KLHL38: variants seen among roughly 807,000 people sequenced by gnomAD.
KLHL38 encodes the protein kelch-like protein 38.
KLHL38 carries 38 observed loss-of-function variants against 39.6 expected under a neutral mutation model. That is an observed-to-expected ratio of 0.96 (90% CI 0.74 to 1.26). KLHL38 has a LOEUF of 1.26. Among genes scored for constraint, KLHL38 ranks in the 50% most tolerant of loss-of-function variants. KLHL38 has a pLI of 0.00. For missense variants in KLHL38, 803 were observed against 748.1 expected (o/e 1.07, Z -0.86); for synonymous variants, 322 against 302.2 (o/e 1.07, Z -0.68).
Position 123,646,968 on chromosome 8 carries a change from A to G in KLHL38, c.1397T>C (p.Met466Thr). ...TGCAGGGGCACACACGTTCTTGATCATTCTTGTCTCCATTTTGAACCACGA... is the reference window on the plus strand; with the variant it reads ...TGCAGGGGCACACACGTTCTTGATCGTTCTTGTCTCCATTTTGAACCACGA... ...RNSWFKMETR[M>T]IKNVCAPAVV... is the part of the protein sequence containing the mutation. Residue 466 changes from methionine to threonine, a missense_variant, in exon 3 of 4, where the codon ATG becomes ACG. Transcript: ENST00000684634. 1 of 1,613,878 alleles carries G rather than the reference A, an allele frequency of 6.2e-7. No individual in the cohort carries two copies. The highest frequency in any genetic ancestry group is 8.5e-7 in the Non-Finnish European group (1 of 1,179,888).
Position 123,652,076 on chromosome 8 carries a change from T to C in KLHL38, c.851A>G (p.Asp284Gly). 1 of 1,614,174 alleles carries C rather than the reference T, an allele frequency of 6.2e-7. No homozygotes were observed. Among genetic ancestry groups the C allele is most frequent in the Non-Finnish European group, 8.5e-7 (1 of 1,180,032 alleles). The change falls in exon 2 of 4, where the codon GAT (aspartate) becomes GGT (glycine). Residue 284 changes from aspartate to glycine, a missense_variant. Transcript: ENST00000684634. ...CCTTCCGCCCAAGAGGATGAGGAAATCTTGGTAAGAGTTTCTTGGAGGGAC... is the reference window on the plus strand; with the variant it reads ...CCTTCCGCCCAAGAGGATGAGGAAACCTTGGTAAGAGTTTCTTGGAGGGAC... ...LHVPPRNSYQ[D>G]FLILLGGRKD...
At chr8:123,653,469 C>A (rs2129758907) in intron 1 of KLHL38, among the ~76,000 whole-genome samples, 117 bp downstream of exon 1, 1 of 152,290 alleles carries the variant, frequency 6.6e-6, no homozygotes, top group Non-Finnish European at 1.5e-5. Flanking sequence ...AATATGACTT[C>A]ATTGAGTCTT....
chr8:123,650,969 C>T (rs1050900173), intron 2 of KLHL38, among the ~76,000 whole-genome samples: 3 of 152,138 alleles, frequency 2.0e-5, no homozygotes, highest in African/African-American at 7.2e-5. Flanking sequence ...ATCTGACTTT[C>T]AATATGCTGT....
rs202130034 is a variant in KLHL38, at chr8:123,646,000, G to A, written c.1485C>T (p.Asp495=). The A allele has an allele frequency of 6.0e-4, 970 of 1,614,182 alleles. No individual in the cohort carries two copies. Among genetic ancestry groups the A allele is most frequent in the Non-Finnish European group, 7.4e-4 (873 of 1,180,012 alleles). Residue 495 remains aspartate, a synonymous_variant, in exon 4 of 4, where the codon GAC becomes GAT. Transcript: ENST00000684634. ...ATTTGACAAATTTGTTGGATTGAGG[G>A]TCATAAGCAAGAATCCTCCTTGTGT... The part of the protein sequence containing the change: ...GGYTRRILAY[D]PQSNKFVKCA...
intron 3 of KLHL38, 25 bp downstream of exon 3, chr8:123,646,884 C>G: frequency 6.6e-7 from 1 of 1,520,296 alleles, no homozygotes; most frequent in East Asian, 2.3e-5. Flanking sequence ...TGTGTCACGC[C>G]CAGTGATCCT....
At position 123,645,401 on chromosome 8, in the gene KLHL38, C is replaced by G. The variant is rs368913612; in HGVS notation, c.*338G>C. The G allele has an allele frequency of 1.5e-4, 43 of 289,644 alleles. 1 individual carries two copies. The highest frequency in any genetic ancestry group is 8.1e-4 in the African/African-American group (38 of 46,722). The allele number at this position is 289,644 out of a possible 1,614,324, so 17.9% of individuals were successfully genotyped here. On this transcript the variant is annotated 3_prime_UTR_variant, in exon 4 of 4. Coordinates refer to ENST00000684634, the MANE Select transcript of KLHL38 (RefSeq NM_001081675.3). Reference sequence around the variant, plus strand: ...TCAGTGAGCTGAGATAGCACCACTGCACTCCAGCCTGGGCTACAGAGTGAA... The same window carrying G: ...TCAGTGAGCTGAGATAGCACCACTGGACTCCAGCCTGGGCTACAGAGTGAA...
At chr8:123,646,663 C>T (rs562093755) in intron 3 of KLHL38, among the ~76,000 whole-genome samples, 2 of 152,232 alleles carry the variant, frequency 1.3e-5, no homozygotes, top group African/African-American at 2.4e-5. Context: ...TTTAGATACA[C>T]GAGTACATTA....
Position 123,645,678 on chromosome 8 carries a change from TG to T in KLHL38, c.*60del. The T allele has an allele frequency of 2.5e-6, 4 of 1,574,588 alleles. No individual in the cohort carries two copies. The highest frequency in any genetic ancestry group is 3.5e-6 in the Non-Finnish European group (4 of 1,153,222). On this transcript the variant is annotated 3_prime_UTR_variant, in exon 4 of 4. Coordinates refer to ENST00000684634, the MANE Select transcript of KLHL38 (RefSeq NM_001081675.3). ...CTTTAAGGGTTAAGCCCTTTGGAGC[TG>T]GGTTTGTGTCCCTGGCGACAGAAGG...
At chr8:123,647,464 G>A (rs577679754) in intron 2 of KLHL38, among the ~76,000 whole-genome samples, 6 of 152,298 alleles carry the variant, frequency 3.9e-5, no homozygotes, top group African/African-American at 1.4e-4. Context: ...AAGTGAGGAA[G>A]GTTTTTGAAC....
rs374468348 is a variant in KLHL38, at chr8:123,652,441, G to T, written c.486C>A (p.Ser162=). ...CGGCCGATGCGGCCACCTCTGGGAAGGACGTCAGTGCCACCTCCCTGGCTT... is the reference window on the plus strand; with the variant it reads ...CGGCCGATGCGGCCACCTCTGGGAATGACGTCAGTGCCACCTCCCTGGCTT... ...KKKAREVALT[S]FPEVAASADL... The change falls in exon 2 of 4, where the codon TCC becomes TCA. Residue 162 remains serine, a synonymous_variant. Coordinates refer to ENST00000684634, the MANE Select transcript of KLHL38 (RefSeq NM_001081675.3). 23 of 1,614,170 alleles carry T rather than the reference G, an allele frequency of 1.4e-5. No homozygotes were observed. The South Asian group carries it at 2.5e-4, about 18-fold the overall frequency.
rs771203994 is a variant in KLHL38 at position 123,651,778 on chromosome 8, G to A, written c.1149C>T (p.Asn383=). The change falls in exon 2 of 4, where the codon AAC becomes AAT. Residue 383 remains asparagine, a synonymous_variant. Coordinates refer to ENST00000684634, the MANE Select transcript of KLHL38 (RefSeq NM_001081675.3). ...CAATCCCCCCGATGGAGAAGATGAA[G>A]TTCTTATGGGCAGTGCTTCTGTGGG... ...RYSHRSTAHK[N]FIFSIGGIGE... 1.5e-5 allele frequency: 24 copies of A among 1,614,018 alleles called. No homozygotes were observed. The highest frequency in any genetic ancestry group is 2.0e-5 in the Non-Finnish European group (24 of 1,180,040).
chr8:123,652,816 G>T lies in KLHL38; in HGVS notation c.111C>A (p.Ser37Arg). ...GGATCTCCCGGGCACCGGCACAGATGCTCACATCAGTCAGGATCCTGCTTT... is the reference window on the plus strand; with the variant it reads ...GGATCTCCCGGGCACCGGCACAGATTCTCACATCAGTCAGGATCCTGCTTT... ...LRQSRILTDVSICAGAREIPC... is the reference protein window; with the variant it reads ...LRQSRILTDVRICAGAREIPC... The change falls in exon 2 of 4, where the codon AGC (serine) becomes AGA (arginine). Residue 37 changes from serine (S) to arginine (R), a missense_variant. Transcript: ENST00000684634. The T allele has an allele frequency of 6.2e-7, 1 of 1,613,322 alleles. No homozygotes were observed. Among genetic ancestry groups the T allele is most frequent in the Non-Finnish European group, 8.5e-7 (1 of 1,180,028 alleles).
Position 123,645,422 on chromosome 8 carries a change from G to A in KLHL38, c.*317C>T. The A allele has an allele frequency of 8.6e-6, 3 of 349,308 alleles. No homozygotes were observed. The South Asian group carries it at 1.3e-4, about 15-fold the overall frequency. 21.6% of individuals were successfully genotyped at this position (349,308 alleles called of 1,614,324 possible). A position where few individuals can be genotyped will look rare whatever the true frequency, so the allele number is the denominator to read the frequency against. ...ACTGCACTCCAGCCTGGGCTACAGA[G>A]TGAAACTCCATCTCAAAAAAAAGAA... On this transcript the variant is annotated 3_prime_UTR_variant, in exon 4 of 4. Transcript: ENST00000684634.
intron 2 of KLHL38, among the ~76,000 whole-genome samples, chr8:123,651,016 T>C (rs1245551646): frequency 1.3e-5 from 2 of 152,248 alleles, no homozygotes; most frequent in African/African-American, 4.8e-5. Context: ...ATTTTTCTCA[T>C]CAAATGAAGA....
rs770180836 is a variant in KLHL38 at position 123,645,840 on chromosome 8, C to CG, written c.1644dup (p.Glu549ArgfsTer17). On this transcript the variant is annotated frameshift_variant, in exon 4 of 4. Transcript: ENST00000684634. LOFTEE classifies it high-confidence loss of function. ...CCCTGGGATGTCCAGGTGTCCGTCT[C>CG]GGGGTCGTAGCAATCGAAGGAGGCG... 1 of 1,613,814 alleles carries CG rather than the reference C, an allele frequency of 6.2e-7. No individual in the cohort carries two copies. Among genetic ancestry groups the CG allele is most frequent in the South Asian group, 1.1e-5 (1 of 91,030 alleles).
At chr8:123,648,055 T>A (rs1190370483) in intron 2 of KLHL38, among the ~76,000 whole-genome samples, 1 of 152,228 alleles carries the variant, frequency 6.6e-6, no homozygotes, top group Non-Finnish European at 1.5e-5. Flanking sequence ...CACTCTAGCC[T>A]GGGTGACAGA....
rs776539699 is a variant in KLHL38 at position 123,652,214 on chromosome 8, T to C, written c.713A>G (p.Asn238Ser). The change falls in exon 2 of 4, where the codon AAC becomes AGC. Residue 238 changes from asparagine (N) to serine (S), a missense_variant. Asn to Ser is a conservative substitution (Grantham distance 46). Coordinates refer to ENST00000684634, the MANE Select transcript of KLHL38 (RefSeq NM_001081675.3). ...HPAFFHHFIA[N>S]DALLQSSPAC... ...AGGCGAGGACTGCAGGAGGGCATCG[T>C]TGGCGATGAAGTGGTGAAAGAAGGC... 5.6e-6 allele frequency: 9 copies of C among 1,614,078 alleles called. No individual in the cohort carries two copies. The highest frequency in any genetic ancestry group is 6.8e-6 in the Non-Finnish European group (8 of 1,180,036).
At position 123,645,869 on chromosome 8, in the gene KLHL38, T is replaced by A; in HGVS notation, c.1616A>T (p.Asp539Val). The change falls in exon 4 of 4, where the codon GAC (aspartate) becomes GTC (valine). Residue 539 changes from aspartate (D) to valine (V), a missense_variant. Physicochemically the swap from Asp to Val is radical, Grantham distance 152. Transcript: ENST00000684634. ...GTCGTAGCAATCGAAGGAGGCGGAGTCCTCAATGTTGCAGTCCGTGGTCAG... is the reference window on the plus strand; with the variant it reads ...GTCGTAGCAATCGAAGGAGGCGGAGACCTCAATGTTGCAGTCCGTGGTCAG... ...RRLTTDCNIE[D>V]SASFDCYDPE... The A allele has an allele frequency of 6.2e-7, 1 of 1,613,100 alleles. No individual in the cohort carries two copies. The highest frequency in any genetic ancestry group is 8.5e-7 in the Non-Finnish European group (1 of 1,179,748).
In KLHL38 at chr8:123,651,843, G is replaced by A. The variant is rs762923026; in HGVS notation, c.1084C>T (p.Gln362Ter). The A allele has an allele frequency of 9.9e-6, 16 of 1,614,188 alleles. No homozygotes were observed. The highest frequency in any genetic ancestry group is 1.4e-5 in the Non-Finnish European group (16 of 1,180,028). ...AGCATGGGCTCCCCCAGCCTCCACT[G>A]ATTGAGTTTCAGGGAGAAGATGTAG... ...NVYIFSLKLN[Q>*]WRLGEPMLVA... is the part of the protein sequence containing the mutation. The change falls in exon 2 of 4, where the codon CAG becomes TAG. Residue 362 changes from glutamine to a stop codon, truncating the protein, a stop_gained. Coordinates refer to ENST00000684634, the MANE Select transcript of KLHL38 (RefSeq NM_001081675.3). LOFTEE classifies it high-confidence loss of function.
Sources: gnomAD v4.1 joint callset for allele counts (sites outside exome capture counted in the v4.1 genomes callset) on GRCh38, gnomAD v4.1.1 for gene constraint, MANE v1.5 for transcripts, NCBI Gene and HGNC (gene_info 2026-07-23, HGNC 2026-07-21) for gene names.